Variants in RAB37 observed in about 807,000 individuals in gnomAD.
The protein encoded by RAB37 is ras-related protein Rab-37.
In RAB37, 29 loss-of-function variants were observed where a neutral mutation model predicts 33.1. That is an observed-to-expected ratio of 0.88 (90% CI 0.65 to 1.20). The LOEUF (loss-of-function observed/expected upper bound fraction) is 1.20. Among genes scored for constraint, RAB37 ranks in the 50% most tolerant of loss-of-function variants. The pLI, the probability that RAB37 is intolerant of heterozygous loss-of-function variation, is 0.00. For missense variants in RAB37, 299 were observed against 301.1 expected, an observed-to-expected ratio of 0.99 and a Z score of 0.05; for synonymous variants, 128 against 119.5, an observed-to-expected ratio of 1.07 and a Z score of -0.47.
intron 1 of RAB37, among the ~76,000 whole-genome samples, chr17:74,696,025 C>T (rs1261805931): frequency 6.6e-6 from 1 of 152,166 alleles, no homozygotes; most frequent in African/African-American, 2.4e-5. Context: ...CAGCCCTTGT[C>T]CCCCTGGCTG....
Position 74,708,822 on chromosome 17 carries a change from G to A in RAB37, c.73-20434G>A, listed in dbSNP as rs371877216. On this transcript the variant is annotated intron_variant, in intron 1 of 7. Coordinates refer to the RAB37 transcript ENST00000340415. ...TCCCAGCTACTCGGAGGCTGAGGCAGGAGAATGACGTGAACCCGGGGGGGC... is the reference window on the plus strand; with the variant it reads ...TCCCAGCTACTCGGAGGCTGAGGCAAGAGAATGACGTGAACCCGGGGGGGC... 2.9e-4 allele frequency among the ~76,000 whole-genome samples: 44 copies of A among 151,690 alleles called. No homozygotes were observed. In the South Asian group the frequency reaches 4.2e-3, roughly 14 times the overall value.
At chr17:74,717,549 C>T (rs2034181355) in intron 1 of RAB37, among the ~76,000 whole-genome samples, 1 of 152,130 alleles carries the variant, frequency 6.6e-6, no homozygotes. Flanking sequence ...TGGCTCATGC[C>T]TGTAACCCCA....
intron 1 of RAB37, among the ~76,000 whole-genome samples, chr17:74,719,331 TC>T (rs1475196047): frequency 1.3e-5 from 2 of 151,946 alleles, no homozygotes; most frequent in Admixed American, 6.6e-5. Context: ...GTGCCTGTAG[TC>T]CCAGTTACTT....
At chr17:74,689,441 T>C (rs796241730) in intron 1 of RAB37, among the ~76,000 whole-genome samples, 1 of 151,454 alleles carries the variant, frequency 6.6e-6, no homozygotes, top group African/African-American at 2.4e-5. Context: ...AGACTCTGTC[T>C]GGAAAAAAAA....
chr17:74,735,046 AAAGAAAG>A (rs1598318161), upstream of RAB37, among the ~76,000 whole-genome samples: 2 of 147,642 alleles, frequency 1.4e-5, no homozygotes, highest in East Asian at 4.0e-4. Context: ...AGAAAGAAAG[AAAGAAAG>A]AAAGAAAGAG....
chr17:74,717,337 C>A (rs1399489037), intron 1 of RAB37, among the ~76,000 whole-genome samples: 1 of 152,128 alleles, frequency 6.6e-6, no homozygotes, highest in African/African-American at 2.4e-5. Flanking sequence ...ACAGGCAAAG[C>A]TTATTTCTGA....
intron 1 of RAB37, among the ~76,000 whole-genome samples, chr17:74,709,088 G>C (rs929112899): frequency 6.6e-6 from 1 of 151,678 alleles, no homozygotes; most frequent in African/African-American, 2.4e-5. Context: ...GCTGGGCGTG[G>C]TGGCGGGCGC....
At chr17:74,685,869 G>C (rs2032044149) in intron 1 of RAB37, among the ~76,000 whole-genome samples, 1 of 152,218 alleles carries the variant, frequency 6.6e-6, no homozygotes, top group Admixed American at 6.5e-5. Flanking sequence ...TGCGTGCAGA[G>C]CTGCTCAGAT....
chr17:74,706,212 T>C (rs555020288), intron 1 of RAB37, among the ~76,000 whole-genome samples: 3 of 151,660 alleles, frequency 2.0e-5, no homozygotes, highest in African/African-American at 7.3e-5. Context: ...TCATGCAATA[T>C]ATCCATGTAA....
At chr17:74,735,025 GA>G (rs1444132982), upstream of RAB37, among the ~76,000 whole-genome samples, 486 of 75,320 alleles carry the variant, frequency 6.5e-3, 1 homozygote, top group Admixed American at 0.015. Context: ...AAGGAAGAAA[GA>G]AAGAAAGAAA....
chr17:74,747,064 G>A lies in RAB37; in HGVS notation c.*1653G>A, dbSNP rs1301795012. On this transcript the variant is annotated 3_prime_UTR_variant, in exon 9 of 9. Coordinates refer to ENST00000392613, the MANE Select transcript of RAB37 (RefSeq NM_001006638.3). ...ACTGCAGCTCTGCCGGCCTGGAGGGGGAGAGGGGGAGGAAGAAGTATGCGC... is the reference window on the plus strand; with the variant it reads ...ACTGCAGCTCTGCCGGCCTGGAGGGAGAGAGGGGGAGGAAGAAGTATGCGC... 6.6e-6 allele frequency: 1 copy of A among 152,394 alleles called. No individual in the cohort carries two copies. The highest frequency in any genetic ancestry group is 1.5e-5 in the Non-Finnish European group (1 of 68,192). 9.4% of individuals were successfully genotyped at this position (152,394 alleles called of 1,614,324 possible). A position where few individuals can be genotyped will look rare whatever the true frequency, so the allele number is the denominator to read the frequency against.
intron 1 of RAB37, among the ~76,000 whole-genome samples, chr17:74,711,781 C>A (rs1598292047): frequency 6.6e-6 from 1 of 152,164 alleles, no homozygotes; most frequent in Admixed American, 6.5e-5. Flanking sequence ...TGACTTACAG[C>A]ATCCCCCTAC....
upstream of RAB37, chr17:74,737,227 T>C (rs573558140): frequency 5.7e-4 from 875 of 1,536,584 alleles, 6 homozygotes; most frequent in Middle Eastern, 2.4e-3. Flanking sequence ...GTTCCTGCGC[T>C]CTCCTTCGCC....
intron 1 of RAB37, chr17:74,695,659 C>A (rs539285223): frequency 3.1e-6 from 5 of 1,608,076 alleles, no homozygotes; most frequent in Middle Eastern, 1.7e-4. Flanking sequence ...CACCCTCCAA[C>A]GGGGTGCAAC....
At chr17:74,694,975 G>T in intron 1 of RAB37, 1 of 1,129,388 alleles carries the variant, frequency 8.9e-7, no homozygotes, top group Non-Finnish European at 1.3e-6. Context: ...GGCAATGCTG[G>T]CTGATCAGGC....
chr17:74,713,902 A>G (rs1218970787), intron 1 of RAB37, among the ~76,000 whole-genome samples: 1 of 13,374 alleles, frequency 7.5e-5, no homozygotes, highest in African/African-American at 2.4e-4. Context: ...ATCTCCACAA[A>G]AAAAAAAAAA....
rs566497941 is a variant in RAB37, at chr17:74,675,454, G to T, written c.72+3796G>T. 1.6e-4 allele frequency among the ~76,000 whole-genome samples: 24 copies of T among 151,592 alleles called. No homozygotes were observed. In the East Asian group the frequency reaches 4.3e-3, roughly 27 times the overall value. On this transcript the variant is annotated intron_variant, in intron 1 of 7. Coordinates refer to the RAB37 transcript ENST00000340415. ...ATCCGAAAAAAAAAAAAAAGTGGTT[G>T]TATTAGGGCATGCATCTTGGGCTCC...
At chr17:74,679,170 T>C (rs1303843148) in intron 1 of RAB37, among the ~76,000 whole-genome samples, 2 of 152,020 alleles carry the variant, frequency 1.3e-5, no homozygotes, top group Non-Finnish European at 2.9e-5. Flanking sequence ...CCTCGCCTGT[T>C]TGAATTTTGC....
At chr17:74,700,752 A>G (rs2032974136) in intron 1 of RAB37, among the ~76,000 whole-genome samples, 1 of 152,122 alleles carries the variant, frequency 6.6e-6, no homozygotes, top group Admixed American at 6.5e-5. Flanking sequence ...ACTCCGTCTC[A>G]AAACAAACAA....
Sources: allele counts gnomAD v4.1 joint callset (sites outside exome capture counted in the v4.1 genomes callset), GRCh38; gene constraint gnomAD v4.1.1; transcripts MANE v1.5; gene names NCBI Gene and HGNC (gene_info 2026-07-23, HGNC 2026-07-21).